Variants in ZCCHC4 observed in about 807,000 individuals in gnomAD.
ZCCHC4 encodes the protein rRNA N(6)-adenosine-methyltransferase ZCCHC4.
A neutral mutation model predicts 67.7 loss-of-function variants in ZCCHC4; 54 were observed. That is an observed-to-expected ratio of 0.80 (90% confidence interval 0.64 to 1.00). ZCCHC4 has a LOEUF of 1.00. Among genes scored for constraint, ZCCHC4 ranks in the 50% least tolerant of loss-of-function variants. The probability of loss-of-function intolerance (pLI) is 0.00; values close to 1 mark genes in which losing one functional copy is unlikely to be tolerated. For missense variants in ZCCHC4, 609 were observed against 617.0 expected, an observed-to-expected ratio of 0.99 and a Z score of 0.14; for synonymous variants, 198 against 213.5, an observed-to-expected ratio of 0.93 and a Z score of 0.63.
chr4:25,326,532 A>AT (rs936986229), intron 3 of ZCCHC4, among the ~76,000 whole-genome samples: 7 of 151,546 alleles, frequency 4.6e-5, no homozygotes, highest in African/African-American at 7.3e-5. Context: ...TTTCTGGACT[A>AT]TTTTTTTCCC....
rs547451623 is a variant in ZCCHC4 at position 25,353,850 on chromosome 4, G to T, written c.1011+2161G>T. On this transcript the variant is annotated intron_variant, in intron 8 of 12. Coordinates refer to ENST00000302874, the MANE Select transcript of ZCCHC4 (RefSeq NM_024936.3). ...CAAGTATTAAGTTTAGGTTCTTGCT[G>T]TCGGCATTGTCATCACCATCACTGT... Among the ~76,000 whole-genome samples the T allele has an allele frequency of 7.7e-3, 1,172 of 152,300 alleles. 7 individuals carry two copies. The highest frequency in any genetic ancestry group is 0.011 in the Non-Finnish European group (740 of 68,030).
chr4:25,356,822 G>A (rs1398466847), intron 8 of ZCCHC4, among the ~76,000 whole-genome samples: 2 of 151,964 alleles, frequency 1.3e-5, no homozygotes, highest in African/African-American at 4.8e-5. Flanking sequence ...ATGACTTATG[G>A]TACTATTTTC....
At chr4:25,364,838 G>C (rs2109095092) in intron 11 of ZCCHC4, among the ~76,000 whole-genome samples, 184 bp from the exon 12 acceptor site, 1 of 152,312 alleles carries the variant, frequency 6.6e-6, no homozygotes, top group Non-Finnish European at 1.5e-5. Flanking sequence ...ACAGAAAGAA[G>C]TTAGCTAGTT....
At chr4:25,368,335 G>A (rs1412042683) in intron 12 of ZCCHC4, among the ~76,000 whole-genome samples, 1 of 152,158 alleles carries the variant, frequency 6.6e-6, no homozygotes, top group Non-Finnish European at 1.5e-5. Context: ...GAATGGATGG[G>A]CCAGTCATTT....
intron 5 of ZCCHC4, among the ~76,000 whole-genome samples, chr4:25,342,175 T>C (rs2109074022): frequency 6.6e-6 from 1 of 152,304 alleles, no homozygotes; most frequent in Middle Eastern, 3.4e-3. Context: ...GACACATAAG[T>C]TGCTGGAATG....
chr4:25,315,321 T>C lies in ZCCHC4; in HGVS notation c.250T>C (p.Ser84Pro). The change falls in exon 3 of 13, where the codon TCA (serine) becomes CCA (proline). Residue 84 changes from serine to proline, a missense_variant. Ser to Pro is a moderately conservative substitution (Grantham distance 74). Coordinates refer to ENST00000302874, the MANE Select transcript of ZCCHC4 (RefSeq NM_024936.3). ...NFFQWEDEKL[S>P]GARLAAREAH... ...TGGGTTTTGTACTCTCTTTCAGTTG[T>C]CAGGAGCTAGACTTGCTGCCCGAGA... 2 of 1,611,820 alleles carry C rather than the reference T, an allele frequency of 1.2e-6. No homozygotes were observed. Among genetic ancestry groups the C allele is most frequent in the Non-Finnish European group, 8.5e-7 (1 of 1,178,904 alleles).
chr4:25,318,700 A>C (rs1167799871), intron 3 of ZCCHC4, among the ~76,000 whole-genome samples: 1 of 152,026 alleles, frequency 6.6e-6, no homozygotes, highest in Non-Finnish European at 1.5e-5. Context: ...TATTTTTTTG[A>C]TAAAAATTTT....
rs1485970655 is a variant in ZCCHC4, at chr4:25,321,144, G to T, written c.329+5744G>T. Reference sequence around the variant, plus strand: ...TTATTGTTGTTATTCTTTCAACCAGGTATATTTTTTCTTTCTTTTCTCTGT... The same window carrying T: ...TTATTGTTGTTATTCTTTCAACCAGTTATATTTTTTCTTTCTTTTCTCTGT... On this transcript the variant is annotated intron_variant, in intron 3 of 12. Coordinates refer to ENST00000302874, the MANE Select transcript of ZCCHC4 (RefSeq NM_024936.3). Among the ~76,000 whole-genome samples the T allele has an allele frequency of 3.3e-5, 5 of 152,128 alleles. No individual in the cohort carries two copies. The South Asian group carries it at 8.3e-4, about 25-fold the overall frequency.
intron 8 of ZCCHC4, among the ~76,000 whole-genome samples, chr4:25,360,340 C>CACCAA (rs1350974267): frequency 6.6e-6 from 1 of 152,222 alleles, no homozygotes; most frequent in Non-Finnish European, 1.5e-5. Flanking sequence ...ACCGGGGCAC[C>CACCAA]CATTTGAGCT....
rs955369440 is a variant in ZCCHC4 at position 25,366,319 on chromosome 4, T to C, written c.1406+1153T>C. ...AAGCTTATTGAAGAATCTTTTTTTT[T>C]TTTTTTTTTTTTTAAAGACAGAGTC... On this transcript the variant is annotated intron_variant, in intron 12 of 12. Coordinates refer to ENST00000302874, the MANE Select transcript of ZCCHC4 (RefSeq NM_024936.3). The C allele has an allele frequency of 8.2e-6, 7 of 857,846 alleles. No homozygotes were observed. In the African/African-American group the frequency reaches 1.3e-4, roughly 16 times the overall value. The allele number at this position is 857,846 out of a possible 1,614,324, so 53.1% of individuals were successfully genotyped here.
chr4:25,360,479 A>G (rs184360), intron 8 of ZCCHC4, among the ~76,000 whole-genome samples: 43,736 of 152,164 alleles, frequency 0.29, 7,092 homozygotes, highest in African/African-American at 0.45. Flanking sequence ...GAAGCAGTTC[A>G]TAACTCATAT....
intron 6 of ZCCHC4, among the ~76,000 whole-genome samples, chr4:25,346,888 A>G (rs555566626): frequency 6.6e-6 from 1 of 152,218 alleles, no homozygotes; most frequent in East Asian, 1.9e-4. Flanking sequence ...AGTGGCAGTG[A>G]GAAAAGGAGA....
chr4:25,345,881 G>A (rs372222812), intron 6 of ZCCHC4, among the ~76,000 whole-genome samples: 12 of 152,134 alleles, frequency 7.9e-5, no homozygotes, highest in East Asian at 5.8e-4. Flanking sequence ...ATCTGACCCC[G>A]ATTTCCACTC....
At chr4:25,333,530 GTTAC>G (rs1719296302) in intron 4 of ZCCHC4, 72 bp downstream of exon 4, 1 of 1,482,372 alleles carries the variant, frequency 6.7e-7, no homozygotes, top group South Asian at 1.2e-5. Context: ...TTATTAAGTA[GTTAC>G]TTACTCTGTG....
intron 12 of ZCCHC4, 32 bp from the exon 13 acceptor site, chr4:25,368,997 T>C (rs762456612): frequency 6.3e-7 from 1 of 1,592,170 alleles, no homozygotes; most frequent in Admixed American, 1.9e-5. Context: ...CTGTGCTCAT[T>C]CTGTGAAATA....
At chr4:25,346,353 G>A (rs1720020440) in intron 6 of ZCCHC4, among the ~76,000 whole-genome samples, 1 of 152,138 alleles carries the variant, frequency 6.6e-6, no homozygotes, top group African/African-American at 2.4e-5. Flanking sequence ...TCTTTGTCAG[G>A]CCTATTATAA....
At chr4:25,317,935 G>A (rs995760478) in intron 3 of ZCCHC4, among the ~76,000 whole-genome samples, 1 of 152,154 alleles carries the variant, frequency 6.6e-6, no homozygotes, top group African/African-American at 2.4e-5. Flanking sequence ...AAATGTAAAA[G>A]CAGATAGTAA....
intron 7 of ZCCHC4, among the ~76,000 whole-genome samples, chr4:25,350,253 T>G (rs1391627840): frequency 3.6e-5 from 5 of 139,610 alleles, no homozygotes; most frequent in African/African-American, 5.8e-5. Flanking sequence ...AGGTACTGCT[T>G]CTTTTTTTTT....
At chr4:25,368,284 ATGTTGAG>A (rs927566793) in intron 12 of ZCCHC4, among the ~76,000 whole-genome samples, 5 of 152,220 alleles carry the variant, frequency 3.3e-5, no homozygotes, top group Non-Finnish European at 5.9e-5. Flanking sequence ...GGTTCTCAAT[ATGTTGAG>A]TGTCATGGCA....
Sources: gnomAD v4.1 joint callset for allele counts (sites outside exome capture counted in the v4.1 genomes callset) on GRCh38, gnomAD v4.1.1 for gene constraint, MANE v1.5 for transcripts, NCBI Gene and HGNC (gene_info 2026-07-23, HGNC 2026-07-21) for gene names.